Variants in RPL28 observed in about 807,000 individuals in gnomAD.
RPL28 encodes large ribosomal subunit protein eL28.
RPL28 carries 4 observed loss-of-function variants against 12.5 expected under a neutral mutation model. The observed-to-expected ratio is 0.32, with a 90% CI of 0.16 to 0.73. The LOEUF (loss-of-function observed/expected upper bound fraction) is 0.73, where lower values mean the gene tolerates loss of function less well. RPL28 is among the 30% of genes least tolerant of loss of function. RPL28 has a pLI of 0.66. For synonymous variants in RPL28, 91 were observed against 72.5 expected, an observed-to-expected ratio of 1.26 and a Z score of -1.30; for missense variants, 214 against 197.7, an observed-to-expected ratio of 1.08 and a Z score of -0.49.
downstream of RPL28, among the ~76,000 whole-genome samples, chr19:55,396,265 T>C (rs1209810754): frequency 6.7e-6 from 1 of 149,454 alleles, no homozygotes; most frequent in African/African-American, 2.5e-5. Flanking sequence ...GAATGTAAAC[T>C]TGTAAAAAAA....
intron 4 of RPL28, among the ~76,000 whole-genome samples, chr19:55,397,802 T>TGGGAGGA (rs2090033768): frequency 8.1e-6 from 1 of 123,110 alleles, no homozygotes; most frequent in African/African-American, 3.1e-5. Flanking sequence ...AGGTGGGAGG[T>TGGGAGGA]GGGAGGATCA....
In RPL28 at chr19:55,388,747, TCC is replaced by T; in HGVS notation, c.*417_*418del. ...AGCACGGTTTGGGGACTTGGGGTGT[TCC>T]CAAGACCTGGGGGACGACAGACATC... On this transcript the variant is annotated 3_prime_UTR_variant, in exon 5 of 5. Transcript: ENST00000344063. 9.9e-7 allele frequency: 1 copy of T among 1,013,206 alleles called. No individual in the cohort carries two copies. Among genetic ancestry groups the T allele is most frequent in the Non-Finnish European group, 1.2e-6 (1 of 848,898 alleles). 62.8% of individuals were successfully genotyped at this position (1,013,206 alleles called of 1,614,324 possible).
At chr19:55,400,269 T>C (rs1163063326) in intron 4 of RPL28, 2 of 152,228 alleles carry the variant, frequency 1.3e-5, no homozygotes, top group Admixed American at 1.3e-4. Context: ...AAGTGATCCT[T>C]TCACCTCCTA....
intron 4 of RPL28, chr19:55,399,834 G>A (rs2090044597): frequency 6.6e-6 from 1 of 152,198 alleles, no homozygotes; most frequent in African/African-American, 2.4e-5. Context: ...CTTCAGCAAG[G>A]ACTGTTTGCT....
chr19:55,395,536 C>T (rs28427345), downstream of RPL28, among the ~76,000 whole-genome samples: 45,609 of 150,474 alleles, frequency 0.3, 10,384 homozygotes, highest in African/African-American at 0.64. Context: ...CTCCGCCTCC[C>T]GGGTTCACGC....
At chr19:55,392,684 G>A (rs528288217), downstream of RPL28, among the ~76,000 whole-genome samples, 1 of 152,076 alleles carries the variant, frequency 6.6e-6, no homozygotes, top group South Asian at 2.1e-4. Context: ...CCGCCACCAC[G>A]CCCGGCTAAA....
chr19:55,398,041 C>T (rs1426259740), intron 4 of RPL28, among the ~76,000 whole-genome samples: 1 of 151,904 alleles, frequency 6.6e-6, no homozygotes, highest in Non-Finnish European at 1.5e-5. Flanking sequence ...ACTAAAAATA[C>T]AAAAATTAGC....
At position 55,390,559 on chromosome 19, in the gene RPL28, G is replaced by A; in HGVS notation, c.*2227G>A. 1 of 985,596 alleles carries A rather than the reference G, an allele frequency of 1.0e-6. No individual in the cohort carries two copies. The highest frequency in any genetic ancestry group is 1.2e-6 in the Non-Finnish European group (1 of 830,078). 61.1% of individuals were successfully genotyped at this position (985,596 alleles called of 1,614,324 possible). A position where few individuals can be genotyped will look rare whatever the true frequency, so the allele number is the denominator to read the frequency against. On this transcript the variant is annotated 3_prime_UTR_variant, in exon 5 of 5. Coordinates refer to ENST00000344063, the MANE Select transcript of RPL28 (RefSeq NM_000991.5). ...AACCACCTCCTTGCCTGCCCTGGAG[G>A]CTTGTGCCTCTAGGCCCCACCCCCT...
chr19:55,386,990 C>G, intron 3 of RPL28: 1 of 1,442,592 alleles, frequency 6.9e-7, no homozygotes. Context: ...ATTCTCAAAG[C>G]AAGTCAGGGT....
At chr19:55,387,241 C>G in intron 3 of RPL28, 2 of 1,530,430 alleles carry the variant, frequency 1.3e-6, no homozygotes, top group Non-Finnish European at 1.8e-6. Flanking sequence ...ATGGAGGAGT[C>G]CAGCTTCACA....
At chr19:55,387,511 G>C (rs1005697771) in intron 3 of RPL28, 3 of 1,444,562 alleles carry the variant, frequency 2.1e-6, no homozygotes, top group Non-Finnish European at 2.7e-6. Flanking sequence ...CTAGACTAAG[G>C]GACTGGCCTG....
chr19:55,403,210 T>C (rs1046521226), exon 5 of RPL28: 20 of 641,804 alleles, frequency 3.1e-5, no homozygotes, highest in Non-Finnish European at 5.4e-5. Flanking sequence ...CACTGGTTTA[T>C]GAACCCTATC....
At position 55,388,940 on chromosome 19, in the gene RPL28, T is replaced by C; in HGVS notation, c.*608T>C. 1 of 985,472 alleles carries C rather than the reference T, an allele frequency of 1.0e-6. No individual in the cohort carries two copies. The highest frequency in any genetic ancestry group is 6.1e-5 in the Admixed American group (1 of 16,278). 61.0% of individuals were successfully genotyped at this position (985,472 alleles called of 1,614,324 possible). On this transcript the variant is annotated 3_prime_UTR_variant, in exon 5 of 5. Transcript: ENST00000344063. The stretch of plus-strand genomic sequence containing the variant: ...AGCCCCAGGGTACAGCCAGCAGGCA[T>C]TGAGCAGCCTTAGCATTGTCCCCCT...
At chr19:55,401,792 G>A (rs759216860) in intron 4 of RPL28, 63 of 1,611,790 alleles carry the variant, frequency 3.9e-5, no homozygotes, top group Non-Finnish European at 5.3e-5. Flanking sequence ...GTCACAGTGG[G>A]TCGGGCAACC....
At position 55,390,188 on chromosome 19, in the gene RPL28, G is replaced by C. The variant is rs1321761920; in HGVS notation, c.*1856G>C. ...GCATATTGAATGTATAAAGCCCACC[G>C]GTCCTGAGAGTTTGCTCACTGGAGA... On this transcript the variant is annotated 3_prime_UTR_variant, in exon 5 of 5. Coordinates refer to ENST00000344063, the MANE Select transcript of RPL28 (RefSeq NM_000991.5). The C allele has an allele frequency of 1.0e-6, 1 of 985,376 alleles. No homozygotes were observed. The highest frequency in any genetic ancestry group is 1.2e-6 in the Non-Finnish European group (1 of 830,006). 61.0% of individuals were successfully genotyped at this position (985,376 alleles called of 1,614,324 possible).
chr19:55,390,546 GC>G lies in RPL28; in HGVS notation c.*2216del. On this transcript the variant is annotated 3_prime_UTR_variant, in exon 5 of 5. Transcript: ENST00000344063. ...AGGCCTTGTCCTTAACCACCTCCTT[GC>G]CTGCCCTGGAGGCTTGTGCCTCTAG... The G allele has an allele frequency of 1.0e-6, 1 of 985,530 alleles. No individual in the cohort carries two copies. Among genetic ancestry groups the G allele is most frequent in the Non-Finnish European group, 1.2e-6 (1 of 829,990 alleles). 61.0% of individuals were successfully genotyped at this position (985,530 alleles called of 1,614,324 possible). A position where few individuals can be genotyped will look rare whatever the true frequency, so the allele number is the denominator to read the frequency against.
chr19:55,391,063 CT>C lies in RPL28; in HGVS notation c.*2733del, dbSNP rs1387227023. ...AATTGGGAGAACAAAAGAAAAGCGT[CT>C]TGTCACATACAGAAGGTCCCTGATA... On this transcript the variant is annotated 3_prime_UTR_variant, in exon 5 of 5. Transcript: ENST00000344063. 2 of 654,218 alleles carry C rather than the reference CT, an allele frequency of 3.1e-6. No individual in the cohort carries two copies. The highest frequency in any genetic ancestry group is 1.4e-4 in the East Asian group (1 of 7,326). 40.5% of individuals were successfully genotyped at this position (654,218 alleles called of 1,614,324 possible).
chr19:55,386,697 A>C lies in RPL28; in HGVS notation c.205+4A>C, dbSNP rs780581954. 17 of 1,613,998 alleles carry C rather than the reference A, an allele frequency of 1.1e-5. No homozygotes were observed. The South Asian group carries it at 1.9e-4, about 18-fold the overall frequency. ...GTGGTCATTAAGCGGAGATCCGGTG[A>C]GTTTTGTCTGGTTTGGGCCAGAGAG... is the stretch of plus-strand genomic sequence containing the variant. On this transcript the variant is annotated splice_donor_region_variant and intron_variant, in intron 3 of 4. Coordinates refer to ENST00000344063, the MANE Select transcript of RPL28 (RefSeq NM_000991.5).
chr19:55,391,347 C>T lies in RPL28; in HGVS notation c.*3015C>T, dbSNP rs930432370. 109 of 1,096,186 alleles carry T rather than the reference C, an allele frequency of 9.9e-5. No homozygotes were observed. The African/African-American group carries it at 1.6e-3, about 16-fold the overall frequency. The allele number at this position is 1,096,186 out of a possible 1,614,324, so 67.9% of individuals were successfully genotyped here. A position where few individuals can be genotyped will look rare whatever the true frequency, so the allele number is the denominator to read the frequency against. Reference sequence around the variant, plus strand: ...CCTCAGTTTCCCATATGTAAAAGGCCATTTTGAGTGCCTTTCACAGCCCTG... The same window carrying T: ...CCTCAGTTTCCCATATGTAAAAGGCTATTTTGAGTGCCTTTCACAGCCCTG... On this transcript the variant is annotated 3_prime_UTR_variant, in exon 5 of 5. Transcript: ENST00000344063.
Sources: gnomAD v4.1 joint callset for allele counts (sites outside exome capture counted in the v4.1 genomes callset) on GRCh38, gnomAD v4.1.1 for gene constraint, MANE v1.5 for transcripts, NCBI Gene and HGNC (gene_info 2026-07-23, HGNC 2026-07-21) for gene names.